Variants in STS observed in about 807,000 individuals in gnomAD.
STS encodes the protein steroid sulfatase.
A neutral mutation model predicts 26.8 loss-of-function variants in STS; 7 were observed. That is an observed-to-expected ratio of 0.26 (90% CI 0.15 to 0.49). The LOEUF (loss-of-function observed/expected upper bound fraction) is 0.49. Among genes scored for constraint, STS ranks in the 20% least tolerant of loss-of-function variants. The pLI is 0.98. For synonymous variants in STS, 199 were observed against 189.4 expected (o/e 1.05, Z -0.42); for missense variants, 434 against 465.6 (o/e 0.93, Z 0.63).
rs1401873026 is a variant in STS, at chrX:7,354,557, T to C, written c.*4296T>C. On this transcript the variant is annotated 3_prime_UTR_variant, in exon 11 of 11. Coordinates refer to ENST00000674429, the MANE Select transcript of STS (RefSeq NM_001320752.2). Reference sequence around the variant, plus strand: ...TTTCCGACATCGTGAACCTGTTCTGTGTTGCAAGATATCACTCAAGCCAGT... The same window carrying C: ...TTTCCGACATCGTGAACCTGTTCTGCGTTGCAAGATATCACTCAAGCCAGT... The C allele has an allele frequency of 8.9e-6, 1 of 111,963 alleles. No individual in the cohort carries two copies. Among genetic ancestry groups the C allele is most frequent in the Non-Finnish European group, 1.9e-5 (1 of 53,236 alleles). 9.2% of individuals were successfully genotyped at this position (111,963 alleles called of 1,213,427 possible).
intron 7 of STS, among the ~76,000 whole-genome samples, chrX:7,294,419 C>G (rs1473998483): frequency 9.0e-6 from 1 of 110,675 alleles, no homozygotes. Flanking sequence ...ATTAAAAGAC[C>G]ATTTGGCTAG....
intron 3 of STS, among the ~76,000 whole-genome samples, chrX:7,255,038 C>T (rs985552888): frequency 8.9e-6 from 1 of 112,359 alleles, no homozygotes; most frequent in Non-Finnish European, 1.9e-5. Flanking sequence ...TTAATCATTG[C>T]ATATCAGACC....
intron 8 of STS, among the ~76,000 whole-genome samples, chrX:7,315,114 C>T (rs1325871778): frequency 8.9e-6 from 1 of 112,029 alleles, no homozygotes; most frequent in Admixed American, 9.5e-5. Flanking sequence ...CAGTAATACG[C>T]TTCATTGATT....
intron 1 of STS, among the ~76,000 whole-genome samples, chrX:7,150,363 A>G (rs1932987019): frequency 1.8e-5 from 2 of 110,863 alleles, no homozygotes; most frequent in Admixed American, 9.6e-5. Flanking sequence ...CTGGGATTAC[A>G]GGCGCCAGCC....
intron 2 of STS, among the ~76,000 whole-genome samples, chrX:7,204,416 C>G (rs1427814266): frequency 9.0e-6 from 1 of 110,929 alleles, no homozygotes; most frequent in East Asian, 2.8e-4. Flanking sequence ...CATCATTTGT[C>G]TTTTGCCATT....
intron 1 of STS, among the ~76,000 whole-genome samples, chrX:7,156,299 G>A (rs1266145883): frequency 2.7e-5 from 3 of 110,395 alleles, no homozygotes; most frequent in African/African-American, 9.9e-5. Flanking sequence ...CTTCTCTTTG[G>A]ATGTATGTGT....
intron 2 of STS, among the ~76,000 whole-genome samples, chrX:7,219,903 C>T (rs960017156): frequency 8.0e-5 from 9 of 112,362 alleles, no homozygotes; most frequent in African/African-American, 2.6e-4. Flanking sequence ...GTTATAAATG[C>T]GGCTAATTAG....
At chrX:7,245,679 C>G (rs905118076) in intron 2 of STS, among the ~76,000 whole-genome samples, 2 of 112,207 alleles carry the variant, frequency 1.8e-5, no homozygotes, top group African/African-American at 6.5e-5. Flanking sequence ...GAAGATTAAA[C>G]GCAAAATAAC....
intron 5 of STS, among the ~76,000 whole-genome samples, chrX:7,258,037 TGG>T: frequency 1.0e-5 from 1 of 100,064 alleles, no homozygotes; most frequent in Non-Finnish European, 2.0e-5. Context: ...GATGGATGGA[TGG>T]ATGGAAGGAA....
chrX:7,147,980 G>C lies in STS; in HGVS notation c.-237G>C. ...CCCGCCGCGGCCCCCAGGCCGTGACGTACCCCGCGCCGACCGTCCCCACGC... is the reference window on the plus strand; with the variant it reads ...CCCGCCGCGGCCCCCAGGCCGTGACCTACCCCGCGCCGACCGTCCCCACGC... On this transcript the variant is annotated 5_prime_UTR_variant, in exon 1 of 11. Coordinates refer to ENST00000674429, the MANE Select transcript of STS (RefSeq NM_001320752.2). 7 of 831,312 alleles carry C rather than the reference G, an allele frequency of 8.4e-6. No individual in the cohort carries two copies. Among genetic ancestry groups the C allele is most frequent in the Non-Finnish European group, 1.2e-5 (7 of 585,758 alleles). The allele number at this position is 831,312 out of a possible 1,213,427, so 68.5% of individuals were successfully genotyped here. A position where few individuals can be genotyped will look rare whatever the true frequency, so the allele number is the denominator to read the frequency against.
At chrX:7,223,605 T>C (rs1194152885) in intron 2 of STS, among the ~76,000 whole-genome samples, 1 of 110,974 alleles carries the variant, frequency 9.0e-6, no homozygotes. Context: ...TTATTTGTTT[T>C]TGTTTTTTTT....
rs183441912 is a variant in STS, at chrX:7,322,158, G to A, written c.1082-3181G>A. ...GCTTTTACACCATCTTGAGGTTACA[G>A]AAAGAATGGGGCCTTGCCTCCTGGC... On this transcript the variant is annotated intron_variant, in intron 8 of 10. Coordinates refer to ENST00000674429, the MANE Select transcript of STS (RefSeq NM_001320752.2). 1.2e-3 allele frequency among the ~76,000 whole-genome samples: 139 copies of A among 112,715 alleles called. 1 individual carries two copies. The highest frequency in any genetic ancestry group is 4.4e-3 in the African/African-American group (137 of 31,160).
chrX:7,188,794 G>A (rs1365350807), intron 1 of STS, among the ~76,000 whole-genome samples: 2 of 111,678 alleles, frequency 1.8e-5, no homozygotes, highest in African/African-American at 6.5e-5. Flanking sequence ...TATCTCGCAA[G>A]GAGAGACGCC....
At chrX:7,180,413 C>A (rs771044276) in intron 1 of STS, among the ~76,000 whole-genome samples, 1 of 111,475 alleles carries the variant, frequency 9.0e-6, no homozygotes, top group Non-Finnish European at 1.9e-5. Flanking sequence ...TGACAGGAGG[C>A]GGAGCTCAGG....
chrX:7,323,449 C>G (rs920125546), intron 8 of STS, among the ~76,000 whole-genome samples: 3 of 111,157 alleles, frequency 2.7e-5, no homozygotes, highest in Non-Finnish European at 5.6e-5. Context: ...ATGTTTAGCT[C>G]CCACTTATAA....
chrX:7,164,855 AACAC>A (rs1242169637), intron 1 of STS, among the ~76,000 whole-genome samples: 1 of 58,206 alleles, frequency 1.7e-5, no homozygotes, highest in Non-Finnish European at 3.3e-5. Context: ...AAAAAAAAAA[AACAC>A]ACACACACAC....
In STS at chrX:7,350,191, T is replaced by A. The variant is rs1928735858; in HGVS notation, c.1667T>A (p.Leu556Gln). 1.7e-6 allele frequency: 2 copies of A among 1,211,910 alleles called. No homozygotes were observed. The highest frequency in any genetic ancestry group is 2.2e-6 in the Non-Finnish European group (2 of 895,409). Residue 556 changes from leucine (L) to glutamine (Q), a missense_variant, in exon 11 of 11, where the codon CTG becomes CAG. By Grantham distance (113) the Leu-to-Gln change is moderately radical. Coordinates refer to ENST00000674429, the MANE Select transcript of STS (RefSeq NM_001320752.2). The stretch of plus-strand genomic sequence containing the variant: ...TTTCTTTGGAAGCCCTGGCTTCAGC[T>A]GTGCTGTCCTTCCACCGGCCTGTCT... Reference protein sequence around the residue: ...NNFLWKPWLQLCCPSTGLSCQ... With the variant: ...NNFLWKPWLQQCCPSTGLSCQ...
At chrX:7,238,167 C>T (rs1271915365) in intron 2 of STS, among the ~76,000 whole-genome samples, 1 of 90,959 alleles carries the variant, frequency 1.1e-5, no homozygotes, top group Non-Finnish European at 2.2e-5. Flanking sequence ...TGTGTACACA[C>T]AATGCGTGGT....
chrX:7,149,275 G>T (rs1479674873), intron 1 of STS, among the ~76,000 whole-genome samples: 2 of 111,338 alleles, frequency 1.8e-5, no homozygotes, highest in East Asian at 5.7e-4. Context: ...AAACATGAGA[G>T]TGTATTTCTA....
Sources: gnomAD v4.1 joint callset for allele counts (sites outside exome capture counted in the v4.1 genomes callset) on GRCh38, gnomAD v4.1.1 for gene constraint, MANE v1.5 for transcripts, NCBI Gene and HGNC (gene_info 2026-07-23, HGNC 2026-07-21) for gene names.